The following ANO9 variants were observed in gnomAD, a reference collection of about 807,000 sequenced individuals.
The protein encoded by ANO9 is anoctamin 9, also known as anoctamin-9.
A neutral mutation model predicts 100.5 loss-of-function variants in ANO9; 80 were observed. The observed-to-expected ratio is 0.80, with a 90% confidence interval of 0.66 to 0.96. The LOEUF is 0.96. Ranked by LOEUF, ANO9 falls within the 40% of genes least tolerant of loss-of-function variation. The probability of loss-of-function intolerance (pLI) is 0.00; values close to 1 mark genes in which losing one functional copy is unlikely to be tolerated. For missense variants in ANO9, 1,064 were observed against 1,072.7 expected (o/e 0.99, Z 0.11); for synonymous variants, 473 against 435.6 (o/e 1.09, Z -1.07).
At chr11:438,994 C>A (rs995350263) in intron 1 of ANO9, among the ~76,000 whole-genome samples, 1 of 152,166 alleles carries the variant, frequency 6.6e-6, no homozygotes, top group East Asian at 1.9e-4. Context: ...AGAGGGAGGC[C>A]GGCTCTGGGT....
chr11:426,359 C>T (rs1848521726), intron 15 of ANO9, among the ~76,000 whole-genome samples: 1 of 152,022 alleles, frequency 6.6e-6, no homozygotes, highest in Admixed American at 6.6e-5. Context: ...ATTGCTTGAG[C>T]CCAGGAGTTC....
Position 421,052 on chromosome 11 carries a change from C to A in ANO9, c.1393-10G>T. ...AGCCGCTGGCGTGGCACTGCGGGGC[C>A]AGACAGGAGGAGATCAGGGAGGGGT... On this transcript the variant is annotated splice_polypyrimidine_tract_variant and intron_variant, in intron 16 of 22. Transcript: ENST00000332826. This position sits in a 1 kb window ranked among gnomAD's most constrained non-coding sequence, Gnocchi z 6.8. 1 of 1,599,380 alleles carries A rather than the reference C, an allele frequency of 6.3e-7. No homozygotes were observed. Among genetic ancestry groups the A allele is most frequent in the Non-Finnish European group, 8.6e-7 (1 of 1,169,582 alleles).
Position 432,402 on chromosome 11 carries a change from G to A in ANO9, c.351-348C>T, listed in dbSNP as rs1849086787. 1.4e-5 allele frequency: 5 copies of A among 366,832 alleles called. No homozygotes were observed. Among genetic ancestry groups the A allele is most frequent in the Non-Finnish European group, 2.6e-5 (5 of 195,550 alleles). The allele number at this position is 366,832 out of a possible 1,614,324, so 22.7% of individuals were successfully genotyped here. On this transcript the variant is annotated intron_variant, in intron 4 of 22. Transcript: ENST00000332826. The surrounding 1 kb of genome is among the most constrained non-coding windows in gnomAD (Gnocchi z 4.8). The stretch of plus-strand genomic sequence containing the variant: ...ATGTGTCCAGAGCACACCCCAGCCT[G>A]CATCCGCACACACCCTCCTTATACC...
Position 430,066 on chromosome 11 carries a change from A to G in ANO9, c.771+17T>C. The G allele has an allele frequency of 6.5e-7, 1 of 1,548,592 alleles. No homozygotes were observed. Among genetic ancestry groups the G allele is most frequent in the Non-Finnish European group, 8.7e-7 (1 of 1,146,562 alleles). On this transcript the variant is annotated intron_variant, in intron 9 of 22. Transcript: ENST00000332826. ...CCATCTTCCGCAGGCCCTGGGGTGG[A>G]CCCGGAGGCGACAAACCTTGGCAAA... is the stretch of plus-strand genomic sequence containing the variant.
At chr11:429,927 G>T (rs1848786584) in intron 9 of ANO9, 109 bp from the exon 10 acceptor site, 2 of 431,408 alleles carry the variant, frequency 4.6e-6, no homozygotes, top group South Asian at 4.7e-5. Flanking sequence ...GTGGGCTGAG[G>T]AAATGGGCGG....
chr11:418,871 G>A lies in ANO9; in HGVS notation c.2036+17C>T, dbSNP rs1177538541. 3 of 1,613,526 alleles carry A rather than the reference G, an allele frequency of 1.9e-6. No individual in the cohort carries two copies. The highest frequency in any genetic ancestry group is 1.7e-5 in the Admixed American group (1 of 60,004). On this transcript the variant is annotated intron_variant, in intron 21 of 22. Transcript: ENST00000332826. ...AGGAGTTCAGAGGGCATTCTTGGGG[G>A]ATGGGGAGTTCCAAACCTGCACAGA... is the stretch of plus-strand genomic sequence containing the variant.
chr11:433,319 G>A lies in ANO9; in HGVS notation c.345C>T (p.Thr115=). ...CTCTGGGTGCAGCCTCTCACCTCGT[G>A]GTGACCGGGATGGTGGTCGGCGCGG... ...ELAAPTTIPV[T]TSLRIRIVNF... The change falls in exon 4 of 23, where the codon ACC becomes ACT. Residue 115 remains threonine, a synonymous_variant. Coordinates refer to ENST00000332826, the MANE Select transcript of ANO9 (RefSeq NM_001012302.3). 1 of 1,611,798 alleles carries A rather than the reference G, an allele frequency of 6.2e-7. No homozygotes were observed. The highest frequency in any genetic ancestry group is 8.5e-7 in the Non-Finnish European group (1 of 1,179,536).
intron 15 of ANO9, among the ~76,000 whole-genome samples, chr11:426,325 A>T (rs1374117851): frequency 1.3e-5 from 2 of 152,052 alleles, no homozygotes; most frequent in African/African-American, 4.8e-5. Context: ...ATCCCGTAGC[A>T]CGTTGGGAGG....
At chr11:426,369 C>T (rs1303232861) in intron 15 of ANO9, among the ~76,000 whole-genome samples, 2 of 151,502 alleles carry the variant, frequency 1.3e-5, no homozygotes, top group Non-Finnish European at 2.9e-5. Context: ...CCCAGGAGTT[C>T]GAGACAAGCC....
chr11:432,983 A>C lies in ANO9; in HGVS notation c.350+331T>G, dbSNP rs962433887. ...TGGAGAGGAGGGGTCTTCAAGAGAC[A>C]CTGGCCTTGATCCAGGAGGGGCCCC... On this transcript the variant is annotated intron_variant, in intron 4 of 22. Coordinates refer to ENST00000332826, the MANE Select transcript of ANO9 (RefSeq NM_001012302.3). The surrounding 1 kb of genome is among the most constrained non-coding windows in gnomAD (Gnocchi z 4.8). 3.1e-6 allele frequency: 1 copy of C among 323,034 alleles called. No homozygotes were observed. Among genetic ancestry groups the C allele is most frequent in the African/African-American group, 2.2e-5 (1 of 46,078 alleles). The allele number at this position is 323,034 out of a possible 1,614,324, so 20.0% of individuals were successfully genotyped here.
At position 418,071 on chromosome 11, in the gene ANO9, A is replaced by G. The variant is rs1308870920; in HGVS notation, c.*300T>C. ...CCCAGAAGTCAGAGGGAGGCCCAGGAAATTTGCGCCAGTTTTCCTGCCTTG... is the reference window on the plus strand; with the variant it reads ...CCCAGAAGTCAGAGGGAGGCCCAGGGAATTTGCGCCAGTTTTCCTGCCTTG... On this transcript the variant is annotated 3_prime_UTR_variant, in exon 23 of 23. Coordinates refer to ENST00000332826, the MANE Select transcript of ANO9 (RefSeq NM_001012302.3). 1 of 377,652 alleles carries G rather than the reference A, an allele frequency of 2.6e-6. No homozygotes were observed. Among genetic ancestry groups the G allele is most frequent in the Non-Finnish European group, 4.8e-6 (1 of 209,870 alleles). The allele number at this position is 377,652 out of a possible 1,614,324, so 23.4% of individuals were successfully genotyped here. A position where few individuals can be genotyped will look rare whatever the true frequency, so the allele number is the denominator to read the frequency against.
In ANO9 at chr11:432,155, C is replaced by T; in HGVS notation, c.351-101G>A. On this transcript the variant is annotated intron_variant, in intron 4 of 22. Transcript: ENST00000332826. The surrounding 1 kb of genome is among the most constrained non-coding windows in gnomAD (Gnocchi z 4.8). ...TGGCCAGGCCCAGGCCCCTCCCTGT[C>T]CTGGCAGAGCCCCCAGCCTGCCAGC... 2 of 1,306,966 alleles carry T rather than the reference C, an allele frequency of 1.5e-6. No individual in the cohort carries two copies. Among genetic ancestry groups the T allele is most frequent in the South Asian group, 1.3e-5 (1 of 79,408 alleles). The allele number at this position is 1,306,966 out of a possible 1,614,324, so 81.0% of individuals were successfully genotyped here.
chr11:440,809 G>T (rs1845807952), intron 1 of ANO9: 1 of 152,320 alleles, frequency 6.6e-6, no homozygotes, highest in Admixed American at 6.5e-5. Context: ...GAGACTGCAG[G>T]TGCATGCCAC....
Position 418,390 on chromosome 11 carries a change from G to A in ANO9, c.2330C>T (p.Ala777Val). The A allele has an allele frequency of 6.2e-7, 1 of 1,611,052 alleles. No homozygotes were observed. The highest frequency in any genetic ancestry group is 8.5e-7 in the Non-Finnish European group (1 of 1,179,146). The change falls in exon 23 of 23, where the codon GCC (alanine) becomes GTC (valine). Residue 777 changes from alanine (A) to valine (V), a missense_variant. Physicochemically the swap from Ala to Val is moderately conservative, Grantham distance 64. Coordinates refer to ENST00000332826, the MANE Select transcript of ANO9 (RefSeq NM_001012302.3). ...AHPTPASIFS[A>V]RSTDV ...CTGGCCCTACACGTCTGTGCTCCTG[G>A]CACTGAAGATGGATGCTGGGGTGGG... is the stretch of plus-strand genomic sequence containing the variant.
At position 433,863 on chromosome 11, in the gene ANO9, C is replaced by A; in HGVS notation, c.156G>T (p.Arg52=). 6.4e-7 allele frequency: 1 copy of A among 1,562,804 alleles called. No homozygotes were observed. The highest frequency in any genetic ancestry group is 1.3e-5 in the African/African-American group (1 of 74,266). ...RHTQRDPRQA[R]QQQFLEELRR... ...TGAGCTCCTCCAGGAACTGTTGCTGCCGCGCCTGCCGGGGGTCTCTCTGGG... is the reference window on the plus strand; with the variant it reads ...TGAGCTCCTCCAGGAACTGTTGCTGACGCGCCTGCCGGGGGTCTCTCTGGG... The change falls in exon 3 of 23, where the codon CGG becomes CGT. Residue 52 remains arginine, a synonymous_variant. Coordinates refer to ENST00000332826, the MANE Select transcript of ANO9 (RefSeq NM_001012302.3).
chr11:433,326 G>C lies in ANO9; in HGVS notation c.338C>G (p.Pro113Arg), dbSNP rs115130824. 6.2e-7 allele frequency: 1 copy of C among 1,612,268 alleles called. No homozygotes were observed. Among genetic ancestry groups the C allele is most frequent in the Non-Finnish European group, 8.5e-7 (1 of 1,179,588 alleles). ...TGCAGCCTCTCACCTCGTGGTGACC[G>C]GGATGGTGGTCGGCGCGGCCAGCTC... ...HAELAAPTTI[P>R]VTTSLRIRIV... The change falls in exon 4 of 23, where the codon CCG (proline) becomes CGG (arginine). Residue 113 changes from proline (P) to arginine (R), a missense_variant. Coordinates refer to ENST00000332826, the MANE Select transcript of ANO9 (RefSeq NM_001012302.3).
At chr11:441,382 G>A (rs1031141288) in intron 1 of ANO9, among the ~76,000 whole-genome samples, 16 of 152,102 alleles carry the variant, frequency 1.1e-4, no homozygotes, top group African/African-American at 3.4e-4. Context: ...CCCCAGAATC[G>A]GAATCCAGCA....
Position 418,384 on chromosome 11 carries a change from C to G in ANO9, c.2336G>C (p.Ser779Thr). Residue 779 changes from serine to threonine, a missense_variant, in exon 23 of 23, where the codon AGC (serine) becomes ACC (threonine). Physicochemically the swap from Ser to Thr is moderately conservative, Grantham distance 58. Coordinates refer to ENST00000332826, the MANE Select transcript of ANO9 (RefSeq NM_001012302.3). ...CGGGCTCTGGCCCTACACGTCTGTG[C>G]TCCTGGCACTGAAGATGGATGCTGG... ...PTPASIFSAR[S>T]TDV 1 of 1,610,066 alleles carries G rather than the reference C, an allele frequency of 6.2e-7. No homozygotes were observed. The highest frequency in any genetic ancestry group is 8.5e-7 in the Non-Finnish European group (1 of 1,178,694).
chr11:428,484 G>A lies in ANO9; in HGVS notation c.1176C>T (p.Ile392=). ...CTGCTCCCGGCCCCACCTTGGTCATGATGATGATGGTCACATAGTGCACCA... is the reference window on the plus strand; with the variant it reads ...CTGCTCCCGGCCCCACCTTGGTCATAATGATGATGGTCACATAGTGCACCA... The part of the protein sequence containing the change: ...GALVHYVTII[I]MTKINRCVAL... Residue 392 remains isoleucine, a synonymous_variant, in exon 13 of 23, where the codon ATC becomes ATT. Transcript: ENST00000332826. 2 of 1,612,386 alleles carry A rather than the reference G, an allele frequency of 1.2e-6. No homozygotes were observed. The highest frequency in any genetic ancestry group is 2.2e-5 in the East Asian group (1 of 44,858).
Sources: allele counts gnomAD v4.1 joint callset (sites outside exome capture counted in the v4.1 genomes callset), GRCh38; gene constraint gnomAD v4.1.1; non-coding constraint Gnocchi (gnomAD v3.1); transcripts MANE v1.5; gene names NCBI Gene and HGNC (gene_info 2026-07-23, HGNC 2026-07-21).